ZNF106: variants seen among roughly 807,000 people sequenced by gnomAD.
The protein encoded by ZNF106 is zinc finger protein 106.
A neutral mutation model predicts 195.1 loss-of-function variants in ZNF106; 67 were observed. That is an observed-to-expected ratio of 0.34 (90% CI 0.28 to 0.42). The LOEUF (loss-of-function observed/expected upper bound fraction) is 0.42, where lower values mean the gene tolerates loss of function less well. Ranked by LOEUF, ZNF106 falls within the 10% of genes least tolerant of loss-of-function variation. The pLI is 1.00. For missense variants in ZNF106, 2,118 were observed against 2,304.5 expected (o/e 0.92, Z 1.66); for synonymous variants, 784 against 818.6 (o/e 0.96, Z 0.72).
intron 19 of ZNF106, among the ~76,000 whole-genome samples, chr15:42,421,633 A>T (rs920651567): frequency 2.0e-5 from 3 of 152,212 alleles, no homozygotes; most frequent in Non-Finnish European, 2.9e-5. Flanking sequence ...TGTTCCATTC[A>T]GATCATGTCT....
intron 5 of ZNF106, among the ~76,000 whole-genome samples, chr15:42,449,285 C>T (rs902601699): frequency 4.6e-5 from 7 of 152,194 alleles, no homozygotes; most frequent in Non-Finnish European, 8.8e-5. Flanking sequence ...ATTACACAAG[C>T]GCTTAAGAGA....
chr15:42,478,603 C>T (rs561972985), intron 1 of ZNF106, among the ~76,000 whole-genome samples: 17 of 151,220 alleles, frequency 1.1e-4, no homozygotes, highest in African/African-American at 3.6e-4. Context: ...GCAACCTCCG[C>T]CTCCCAGGTT....
intron 7 of ZNF106, among the ~76,000 whole-genome samples, chr15:42,446,242 C>T (rs2055763635): frequency 6.6e-6 from 1 of 152,150 alleles, no homozygotes; most frequent in East Asian, 1.9e-4. Flanking sequence ...TGATAAATGA[C>T]AAGCTATGCT....
At chr15:42,461,990 C>T (rs2056401802) in intron 3 of ZNF106, among the ~76,000 whole-genome samples, 2 of 152,118 alleles carry the variant, frequency 1.3e-5, no homozygotes, top group African/African-American at 4.8e-5. Flanking sequence ...TTTGTCTTCT[C>T]TCTTATATGT....
chr15:42,451,480 T>A lies in ZNF106; in HGVS notation c.792A>T (p.Gly264=), dbSNP rs756006148. The change falls in exon 5 of 22, where the codon GGA becomes GGT. Residue 264 remains glycine, a synonymous_variant. Transcript: ENST00000564754. The part of the protein sequence containing the change: ...STNNWNYSGP[G]DKFQPGRNRN... Reference sequence around the variant, plus strand: ...TGTTTCTGCCTGGTTGAAATTTGTCTCCAGGGCCACTGTAATTCCAATTAT... The same window carrying A: ...TGTTTCTGCCTGGTTGAAATTTGTCACCAGGGCCACTGTAATTCCAATTAT... 4 of 1,614,234 alleles carry A rather than the reference T, an allele frequency of 2.5e-6. No homozygotes were observed. In the South Asian group the frequency reaches 4.4e-5, roughly 18 times the overall value.
At chr15:42,478,838 C>T (rs977493663) in intron 1 of ZNF106, among the ~76,000 whole-genome samples, 1 of 152,072 alleles carries the variant, frequency 6.6e-6, no homozygotes, top group African/African-American at 2.4e-5. Context: ...TTACCTCCTA[C>T]CTTTTTTCTC....
intron 1 of ZNF106, among the ~76,000 whole-genome samples, chr15:42,482,999 T>G (rs530723316): frequency 6.6e-6 from 1 of 152,280 alleles, no homozygotes; most frequent in South Asian, 2.1e-4. Flanking sequence ...TGTAGTTGCT[T>G]GAGCTTTATC....
Position 42,417,350 on chromosome 15 carries a change from C to T in ZNF106, c.5675G>A (p.Gly1892Glu), listed in dbSNP as rs187842924. 1.3e-5 allele frequency: 21 copies of T among 1,613,972 alleles called. No individual in the cohort carries two copies. The highest frequency in any genetic ancestry group is 8.5e-6 in the Non-Finnish European group (10 of 1,179,962). Residue 1892 changes from glycine to glutamate, a missense_variant, in exon 22 of 22, where the codon GGA becomes GAA. Gly to Glu is a moderately conservative substitution (Grantham distance 98, BLOSUM62 -2). Coordinates refer to ENST00000564754, the MANE Select transcript of ZNF106 (RefSeq NM_001366845.3). ...ARKGSKQDAA[G>E]HIERHAEDDS... ...ATCTTCAGCATGTCGTTCAATATGTCCTGCAGCATCCTAGGAATGAAGGGA... is the reference window on the plus strand; with the variant it reads ...ATCTTCAGCATGTCGTTCAATATGTTCTGCAGCATCCTAGGAATGAAGGGA...
intron 1 of ZNF106, among the ~76,000 whole-genome samples, chr15:42,485,999 C>G (rs2057006130): frequency 6.7e-6 from 1 of 149,844 alleles, no homozygotes; most frequent in Admixed American, 6.7e-5. Context: ...CGCTCTGTCG[C>G]CAGGCTGGAG....
chr15:42,419,992 T>A (rs1288230553), intron 20 of ZNF106, among the ~76,000 whole-genome samples: 2 of 152,158 alleles, frequency 1.3e-5, no homozygotes, highest in African/African-American at 4.8e-5. Context: ...AAGTTAAGTT[T>A]TTCCTCTGTC....
intron 7 of ZNF106, among the ~76,000 whole-genome samples, chr15:42,445,482 G>C (rs1595462010): frequency 6.6e-6 from 1 of 152,284 alleles, no homozygotes; most frequent in East Asian, 1.9e-4. Flanking sequence ...ATTTAACTTA[G>C]TTTGAATAAA....
Position 42,451,639 on chromosome 15 carries a change from A to T in ZNF106, c.633T>A (p.Asn211Lys). 6.2e-7 allele frequency: 1 copy of T among 1,614,144 alleles called. No homozygotes were observed. Among genetic ancestry groups the T allele is most frequent in the South Asian group, 1.1e-5 (1 of 91,084 alleles). Residue 211 changes from asparagine (N) to lysine (K), a missense_variant, in exon 5 of 22, where the codon AAT becomes AAA. Coordinates refer to ENST00000564754, the MANE Select transcript of ZNF106 (RefSeq NM_001366845.3). ...HSNSGGGWLS[N>K]SGAVDWNHNG... Reference sequence around the variant, plus strand: ...TATGATTCCAATCTACTGCTCCACTATTTGAAAGCCAACCACCTCCAGAAT... The same window carrying T: ...TATGATTCCAATCTACTGCTCCACTTTTTGAAAGCCAACCACCTCCAGAAT...
intron 20 of ZNF106, among the ~76,000 whole-genome samples, chr15:42,420,608 A>G (rs1015941761): frequency 6.6e-6 from 1 of 152,208 alleles, no homozygotes; most frequent in African/African-American, 2.4e-5. Flanking sequence ...ATTAAGGCTT[A>G]TAAGAAATAG....
chr15:42,444,709 T>C (rs2055701486), intron 8 of ZNF106, 118 bp downstream of exon 8: 1 of 1,334,110 alleles, frequency 7.5e-7, no homozygotes, highest in Non-Finnish European at 1.0e-6. Flanking sequence ...TCTGGGGCAC[T>C]TCCCTTGTGG....
At chr15:42,484,420 T>C (rs2056965629) in intron 1 of ZNF106, among the ~76,000 whole-genome samples, 1 of 152,244 alleles carries the variant, frequency 6.6e-6, no homozygotes, top group Non-Finnish European at 1.5e-5. Flanking sequence ...ATATGACTAC[T>C]ACAAAATCAG....
chr15:42,482,053 C>T (rs1178327309), intron 1 of ZNF106, among the ~76,000 whole-genome samples: 8 of 152,102 alleles, frequency 5.3e-5, no homozygotes, highest in Non-Finnish European at 2.9e-5. Context: ...ACTTTAATTT[C>T]AAGGATGCTT....
intron 1 of ZNF106, among the ~76,000 whole-genome samples, chr15:42,485,350 AG>A (rs2056989775): frequency 6.6e-6 from 1 of 152,220 alleles, no homozygotes; most frequent in Non-Finnish European, 1.5e-5. Flanking sequence ...CTATTCCACA[AG>A]GTACAGCAGG....
chr15:42,486,011 G>A lies in ZNF106; in HGVS notation c.-33+4969C>T, dbSNP rs561257299. 1.7e-4 allele frequency among the ~76,000 whole-genome samples: 25 copies of A among 148,700 alleles called. No individual in the cohort carries two copies. The South Asian group carries it at 3.0e-3, about 18-fold the overall frequency. On this transcript the variant is annotated intron_variant, in intron 1 of 21. Transcript: ENST00000564754. ...TCTCGCTCTGTCGCCAGGCTGGAGT[G>A]TGGTGGCATGATCTGAGCTCACTGC...
chr15:42,449,492 G>A (rs1303825876), intron 5 of ZNF106, among the ~76,000 whole-genome samples: 1 of 152,054 alleles, frequency 6.6e-6, no homozygotes. Flanking sequence ...ATAAAGTGAC[G>A]GATTTTACCC....
Sources: gnomAD v4.1 joint callset for allele counts (sites outside exome capture counted in the v4.1 genomes callset) on GRCh38, gnomAD v4.1.1 for gene constraint, MANE v1.5 for transcripts, NCBI Gene and HGNC (gene_info 2026-07-23, HGNC 2026-07-21) for gene names.